The following TTC6 variants were observed in gnomAD, a reference collection of about 807,000 sequenced individuals.
The protein encoded by TTC6 is tetratricopeptide repeat protein 6.
Under a neutral mutation model 210.4 loss-of-function variants are expected in TTC6, and 172 were observed. The observed-to-expected ratio is 0.82, with a 90% CI of 0.72 to 0.93. The LOEUF (loss-of-function observed/expected upper bound fraction) is 0.93, where lower values mean the gene tolerates loss of function less well. TTC6 is among the 40% of genes least tolerant of loss of function. The pLI is 0.00. For synonymous variants in TTC6, 804 were observed against 819.6 expected, an observed-to-expected ratio of 0.98 and a Z score of 0.32; for missense variants, 2,414 against 2,318.1, an observed-to-expected ratio of 1.04 and a Z score of -0.85.
At chr14:37,762,196 A>C (rs930966190) in intron 14 of TTC6, among the ~76,000 whole-genome samples, 2 of 152,106 alleles carry the variant, frequency 1.3e-5, no homozygotes, top group Non-Finnish European at 2.9e-5. Flanking sequence ...AATTGTGTAT[A>C]TAAGACACAT....
chr14:37,698,682 G>C (rs1478031640), intron 4 of TTC6, among the ~76,000 whole-genome samples: 1 of 152,042 alleles, frequency 6.6e-6, no homozygotes, highest in African/African-American at 2.4e-5. Context: ...TAGGCCCTAT[G>C]CTCTTTTGGA....
intron 15 of TTC6, among the ~76,000 whole-genome samples, chr14:37,789,473 G>A (rs186467928): frequency 2.0e-5 from 3 of 151,178 alleles, no homozygotes; most frequent in Admixed American, 6.6e-5. Context: ...ATGATGTTTC[G>A]GTCAAAAACG....
chr14:37,813,934 C>G (rs2096135546), intron 25 of TTC6, among the ~76,000 whole-genome samples: 1 of 152,226 alleles, frequency 6.6e-6, no homozygotes, highest in Non-Finnish European at 1.5e-5. Context: ...AAGAGCAGAG[C>G]TCAGGTTTCA....
intron 3 of TTC6, among the ~76,000 whole-genome samples, chr14:37,686,064 G>T (rs962745297): frequency 6.6e-6 from 1 of 152,052 alleles, no homozygotes; most frequent in Non-Finnish European, 1.5e-5. Flanking sequence ...TCATAAAAAT[G>T]TTAGACCTGG....
chr14:37,631,715 T>C (rs2095670270), intron 1 of TTC6, among the ~76,000 whole-genome samples: 1 of 152,232 alleles, frequency 6.6e-6, no homozygotes, highest in South Asian at 2.1e-4. Flanking sequence ...GTTTTCCAAC[T>C]TGGTTCCATT....
chr14:37,609,420 A>G (rs2095630677), intron 2 of TTC6, among the ~76,000 whole-genome samples: 1 of 152,122 alleles, frequency 6.6e-6, no homozygotes, highest in African/African-American at 2.4e-5. Flanking sequence ...TGTCTCAATC[A>G]ATCAATCAAT....
At chr14:37,693,994 A>T (rs2095809606) in intron 3 of TTC6, among the ~76,000 whole-genome samples, 1 of 151,066 alleles carries the variant, frequency 6.6e-6, no homozygotes, top group Admixed American at 6.6e-5. Context: ...AAACAAACAA[A>T]CAAACAAACA....
At chr14:37,840,741 A>G (rs2096208070) in intron 29 of TTC6, among the ~76,000 whole-genome samples, 1 of 152,204 alleles carries the variant, frequency 6.6e-6, no homozygotes, top group South Asian at 2.1e-4. Context: ...ACCAATGACA[A>G]AAACCAAAGT....
chr14:37,660,324 C>G lies in TTC6; in HGVS notation c.940-19827C>G, dbSNP rs1227905988. 2.0e-5 allele frequency among the ~76,000 whole-genome samples: 3 copies of G among 151,958 alleles called. No homozygotes were observed. The East Asian group carries it at 5.8e-4, about 29-fold the overall frequency. ...ACAGTGGTTTGCTGCACCTGTCAAC[C>G]CATCACTTAGGTATTAAGCCCATCA... On this transcript the variant is annotated intron_variant, in intron 1 of 30. Coordinates refer to ENST00000553443, the Ensembl canonical transcript of TTC6.
At chr14:37,636,652 G>A (rs2095681391) in intron 1 of TTC6, among the ~76,000 whole-genome samples, 1 of 152,078 alleles carries the variant, frequency 6.6e-6, no homozygotes, top group Non-Finnish European at 1.5e-5. Flanking sequence ...GTATACATTA[G>A]GAAAGAGAAA....
chr14:37,695,349 A>C (rs559109773), intron 3 of TTC6, among the ~76,000 whole-genome samples: 1 of 151,758 alleles, frequency 6.6e-6, no homozygotes, highest in East Asian at 1.9e-4. Context: ...ATAGTCAGTA[A>C]TTATTTATTT....
At chr14:37,813,395 C>A (rs1321240616) in intron 25 of TTC6, among the ~76,000 whole-genome samples, 1 of 152,076 alleles carries the variant, frequency 6.6e-6, no homozygotes, top group Non-Finnish European at 1.5e-5. Flanking sequence ...AAACGATGGG[C>A]AACAGTGTTG....
chr14:37,652,215 T>G (rs1325675894), intron 1 of TTC6, among the ~76,000 whole-genome samples: 1 of 152,080 alleles, frequency 6.6e-6, no homozygotes, highest in Non-Finnish European at 1.5e-5. Context: ...CATATGAAAT[T>G]GCTGTTTTTA....
intron 10 of TTC6, among the ~76,000 whole-genome samples, chr14:37,741,273 C>CTTTTTT (rs10600031): frequency 2.4e-5 from 2 of 82,278 alleles, no homozygotes; most frequent in African/African-American, 1.1e-4. Context: ...TTTTTTCCCA[C>CTTTTTT]TTTTTTTTTT....
At chr14:37,826,162 T>G (rs1003503205) in intron 27 of TTC6, 33 bp from the exon 30 acceptor site, 21 of 1,573,360 alleles carry the variant, frequency 1.3e-5, no homozygotes, top group Non-Finnish European at 1.8e-5. Flanking sequence ...TATGGAGTAT[T>G]TCCTACTTCG....
At chr14:37,827,416 TTATTA>T in intron 29 of TTC6, 50 bp downstream of exon 31, 1 of 1,553,930 alleles carries the variant, frequency 6.4e-7, no homozygotes, top group Non-Finnish European at 8.8e-7. Context: ...AATGCTTTCT[TTATTA>T]TATATAGCTT....
At chr14:37,675,302 C>A (rs1254471744) in intron 1 of TTC6, among the ~76,000 whole-genome samples, 1 of 152,112 alleles carries the variant, frequency 6.6e-6, no homozygotes, top group Non-Finnish European at 1.5e-5. Context: ...CTGGATGTTT[C>A]ATATAAATGG....
chr14:37,750,342 T>A (rs2095948049), intron 12 of TTC6, among the ~76,000 whole-genome samples: 1 of 152,190 alleles, frequency 6.6e-6, no homozygotes, highest in Non-Finnish European at 1.5e-5. Flanking sequence ...ACCTACAACA[T>A]ACCCATAAAA....
chr14:37,740,991 A>G (rs1432596936), intron 10 of TTC6, among the ~76,000 whole-genome samples: 1 of 152,094 alleles, frequency 6.6e-6, no homozygotes, highest in African/African-American at 2.4e-5. Context: ...GAATATTATA[A>G]AGTTTTACCA....
Sources: gnomAD v4.1 joint callset for allele counts (sites outside exome capture counted in the v4.1 genomes callset) on GRCh38, gnomAD v4.1.1 for gene constraint, MANE v1.5 for transcripts, NCBI Gene and HGNC (gene_info 2026-07-23, HGNC 2026-07-21) for gene names.